Variants in LSAMP observed in about 807,000 individuals in gnomAD.
LSAMP encodes the protein limbic system-associated membrane protein.
A neutral mutation model predicts 38.6 loss-of-function variants in LSAMP; 7 were observed. That is an observed-to-expected ratio of 0.18 (90% CI 0.10 to 0.34). The LOEUF (loss-of-function observed/expected upper bound fraction) is 0.34, where lower values mean the gene tolerates loss of function less well. LSAMP is among the 10% of genes least tolerant of loss of function. The pLI, the probability that LSAMP is intolerant of heterozygous loss-of-function variation, is 1.00. For missense variants in LSAMP, 313 were observed against 420.0 expected (o/e 0.75, Z 2.23); for synonymous variants, 154 against 166.8 (o/e 0.92, Z 0.59).
intron 1 of LSAMP, among the ~76,000 whole-genome samples, chr3:116,287,194 A>G (rs2047206690): frequency 6.6e-6 from 1 of 152,088 alleles, no homozygotes; most frequent in Non-Finnish European, 1.5e-5. Context: ...TATGGAGGAT[A>G]GTGTGTCACA....
At chr3:115,857,253 A>G (rs1172793520) in intron 3 of LSAMP, among the ~76,000 whole-genome samples, 1 of 152,192 alleles carries the variant, frequency 6.6e-6, no homozygotes, top group East Asian at 1.9e-4. Context: ...TCTAAAATGC[A>G]CTCAGATTCT....
At chr3:116,323,724 A>G (rs2107732923) in intron 1 of LSAMP, among the ~76,000 whole-genome samples, 2 of 152,262 alleles carry the variant, frequency 1.3e-5, no homozygotes, top group South Asian at 4.1e-4. Flanking sequence ...TCCAACTAGC[A>G]TGTAGGCTCA....
At chr3:116,217,877 G>T (rs2046239571) in intron 1 of LSAMP, among the ~76,000 whole-genome samples, 1 of 152,072 alleles carries the variant, frequency 6.6e-6, no homozygotes, top group Non-Finnish European at 1.5e-5. Context: ...AACCCTTGAG[G>T]GGCTCCTACC....
At chr3:116,355,387 A>G (rs2048208849) in intron 1 of LSAMP, among the ~76,000 whole-genome samples, 1 of 152,208 alleles carries the variant, frequency 6.6e-6, no homozygotes, top group Admixed American at 6.5e-5. Context: ...ATATCCATAT[A>G]TAGAAGAATG....
intron 1 of LSAMP, among the ~76,000 whole-genome samples, chr3:116,192,004 A>T (rs551270057): frequency 1.3e-5 from 2 of 148,712 alleles, no homozygotes; most frequent in Non-Finnish European, 3.0e-5. Context: ...ATCTGTCTGA[A>T]TTTCTGAATT....
chr3:116,089,301 T>C (rs551738427), intron 1 of LSAMP, among the ~76,000 whole-genome samples: 1 of 152,210 alleles, frequency 6.6e-6, no homozygotes, highest in South Asian at 2.1e-4. Flanking sequence ...ATTTTTAAAA[T>C]TCGTCTTTTA....
chr3:116,421,982 C>T (rs1559862532), intron 1 of LSAMP, among the ~76,000 whole-genome samples: 1 of 152,124 alleles, frequency 6.6e-6, no homozygotes, highest in Non-Finnish European at 1.5e-5. Flanking sequence ...ACCATAAATA[C>T]CCAAGCAACA....
intron 1 of LSAMP, among the ~76,000 whole-genome samples, chr3:116,317,951 C>T (rs941484915): frequency 4.6e-5 from 7 of 151,472 alleles, no homozygotes; most frequent in African/African-American, 1.7e-4. Flanking sequence ...GCCTGGCCAA[C>T]ATGGTGAAAC....
chr3:115,903,577 G>T (rs1364248339), intron 3 of LSAMP, among the ~76,000 whole-genome samples: 1 of 152,166 alleles, frequency 6.6e-6, no homozygotes, highest in Non-Finnish European at 1.5e-5. Flanking sequence ...CCTCACAGGA[G>T]GATGGAGATG....
At chr3:116,095,921 T>C (rs1160913685) in intron 1 of LSAMP, among the ~76,000 whole-genome samples, 1 of 152,148 alleles carries the variant, frequency 6.6e-6, no homozygotes, top group Non-Finnish European at 1.5e-5. Context: ...GGCAGCGTGG[T>C]GGGGTGGCGA....
chr3:115,986,604 T>G (rs1939516064), intron 3 of LSAMP, among the ~76,000 whole-genome samples: 1 of 151,990 alleles, frequency 6.6e-6, no homozygotes, highest in Non-Finnish European at 1.5e-5. Flanking sequence ...GAAAGCATAT[T>G]TCCAAATACC....
At position 116,257,833 on chromosome 3, in the gene LSAMP, T is replaced by A. The variant is rs115536334; in HGVS notation, c.156-171277A>T. Among the ~76,000 whole-genome samples the A allele has an allele frequency of 8.8e-3, 1,347 of 152,278 alleles. 17 individuals are homozygous for A. Among genetic ancestry groups the A allele is most frequent in the African/African-American group, 0.03 (1,250 of 41,574 alleles). On this transcript the variant is annotated intron_variant, in intron 1 of 6. Coordinates refer to ENST00000490035, the MANE Select transcript of LSAMP (RefSeq NM_002338.5). ...TCAGTGAATGGTTAAGTGAATGTTA[T>A]TCTTTGTGTCATTTTTCCTTGTTGC...
intron 1 of LSAMP, among the ~76,000 whole-genome samples, chr3:116,098,919 T>C (rs1708284130): frequency 6.6e-6 from 1 of 152,130 alleles, no homozygotes; most frequent in Non-Finnish European, 1.5e-5. Context: ...CTGGGAGAGC[T>C]CTTCTAATGA....
intron 3 of LSAMP, among the ~76,000 whole-genome samples, chr3:115,923,084 T>C (rs953534967): frequency 2.6e-5 from 4 of 152,212 alleles, no homozygotes; most frequent in Non-Finnish European, 4.4e-5. Flanking sequence ...AATTGTGTTC[T>C]CTTTCCTGAC....
At chr3:116,199,645 A>G (rs1158047801) in intron 1 of LSAMP, among the ~76,000 whole-genome samples, 1 of 152,226 alleles carries the variant, frequency 6.6e-6, no homozygotes, top group Non-Finnish European at 1.5e-5. Context: ...AAGTAGAATG[A>G]AGACAAGACA....
intron 1 of LSAMP, among the ~76,000 whole-genome samples, chr3:116,291,893 T>G (rs969148618): frequency 2.6e-5 from 4 of 152,180 alleles, no homozygotes; most frequent in African/African-American, 9.7e-5. Flanking sequence ...CCAGCAGAGC[T>G]CCTGTTTTTA....
At chr3:116,438,294 G>A (rs1290395877) in intron 1 of LSAMP, among the ~76,000 whole-genome samples, 3 of 152,048 alleles carry the variant, frequency 2.0e-5, no homozygotes, top group Non-Finnish European at 4.4e-5. Context: ...AGAGTTTATA[G>A]TTTATACCAT....
chr3:116,129,792 C>G (rs749076348), intron 1 of LSAMP, among the ~76,000 whole-genome samples: 1 of 152,144 alleles, frequency 6.6e-6, no homozygotes. Flanking sequence ...TGGTTCTGCC[C>G]GAATGGCCTT....
intron 3 of LSAMP, among the ~76,000 whole-genome samples, chr3:115,888,940 A>G (rs1936524979): frequency 6.6e-6 from 1 of 151,866 alleles, no homozygotes; most frequent in Admixed American, 6.6e-5. Context: ...CCAACCCTAA[A>G]GATATTAGTC....
Sources: gnomAD v4.1 joint callset for allele counts (sites outside exome capture counted in the v4.1 genomes callset) on GRCh38, gnomAD v4.1.1 for gene constraint, MANE v1.5 for transcripts, NCBI Gene and HGNC (gene_info 2026-07-23, HGNC 2026-07-21) for gene names.